The following ATP8A2 variants were observed in gnomAD, a reference collection of about 807,000 sequenced individuals.
The protein encoded by ATP8A2 is ATPase phospholipid transporting 8A2, also known as phospholipid-transporting ATPase IB.
ATP8A2 carries 100 observed loss-of-function variants against 165.6 expected under a neutral mutation model. The observed-to-expected ratio is 0.60, with a 90% confidence interval of 0.51 to 0.71. ATP8A2 has a LOEUF of 0.71. Among genes scored for constraint, ATP8A2 ranks in the 30% least tolerant of loss-of-function variants. The pLI is 0.00. For synonymous variants in ATP8A2, 543 were observed against 548.8 expected, an observed-to-expected ratio of 0.99 and a Z score of 0.15; for missense variants, 1,227 against 1,479.5, an observed-to-expected ratio of 0.83 and a Z score of 2.80.
chr13:25,531,284 TATATGATATATATGTTATATATG>T (rs2038058659), intron 4 of ATP8A2, among the ~76,000 whole-genome samples: 1 of 60,212 alleles, frequency 1.7e-5, no homozygotes, highest in African/African-American at 5.4e-5. Context: ...ATATATGTTA[TATATGATATATATGTTATATATG>T]ATATATATGT....
intron 1 of ATP8A2, 54 bp from the exon 2 acceptor site, chr13:25,468,923 C>T: frequency 1.3e-6 from 2 of 1,586,158 alleles, no homozygotes; most frequent in East Asian, 2.3e-5. Context: ...CAGCCTCCCG[C>T]CTGGCGGTTG....
intron 33 of ATP8A2, among the ~76,000 whole-genome samples, chr13:25,948,592 A>G (rs1402286948): frequency 6.6e-6 from 1 of 152,108 alleles, no homozygotes; most frequent in African/African-American, 2.4e-5. Flanking sequence ...CTAACCTCCA[A>G]TGTGATGGCT....
chr13:25,559,145 T>C, intron 14 of ATP8A2, 84 bp downstream of exon 14: 2 of 925,554 alleles, frequency 2.2e-6, no homozygotes, highest in South Asian at 3.0e-5. Context: ...GTCAAATATC[T>C]TGACTTTCTG....
At chr13:25,686,224 G>C (rs1483389151) in intron 24 of ATP8A2, among the ~76,000 whole-genome samples, 1 of 152,180 alleles carries the variant, frequency 6.6e-6, no homozygotes, top group East Asian at 1.9e-4. Flanking sequence ...TTGGACTACT[G>C]TTTGGGATGA....
intron 36 of ATP8A2, among the ~76,000 whole-genome samples, chr13:26,018,810 A>T (rs1476078992): frequency 6.6e-6 from 1 of 152,174 alleles, no homozygotes; most frequent in Non-Finnish European, 1.5e-5. Flanking sequence ...TCTGTGCCTC[A>T]GTTTTCTCAT....
intron 22 of ATP8A2, among the ~76,000 whole-genome samples, chr13:25,581,474 A>G (rs2039775860): frequency 6.6e-6 from 1 of 152,174 alleles, no homozygotes; most frequent in Admixed American, 6.5e-5. Context: ...AATGTGACAT[A>G]ATATGCTACT....
chr13:25,664,578 A>G (rs2042112586), intron 24 of ATP8A2, among the ~76,000 whole-genome samples: 1 of 152,200 alleles, frequency 6.6e-6, no homozygotes, highest in South Asian at 2.1e-4. Flanking sequence ...AGCAGTTGCC[A>G]GCGGGCAGTG....
At chr13:25,465,558 A>ATT (rs35250359) in intron 1 of ATP8A2, among the ~76,000 whole-genome samples, 4,079 of 140,416 alleles carry the variant, frequency 0.029, 138 homozygotes, top group African/African-American at 0.062. Flanking sequence ...TTTATCAGTG[A>ATT]TTTTTTTTTT....
intron 33 of ATP8A2, among the ~76,000 whole-genome samples, chr13:25,869,550 T>TG (rs376998521): frequency 6.6e-6 from 1 of 152,228 alleles, no homozygotes; most frequent in African/African-American, 2.4e-5. Context: ...TATCCATACT[T>TG]GCGTTATTTC....
chr13:25,763,455 CT>C (rs1366599338), intron 25 of ATP8A2, among the ~76,000 whole-genome samples: 2 of 152,170 alleles, frequency 1.3e-5, no homozygotes, highest in Non-Finnish European at 2.9e-5. Context: ...TGAGGGAGCA[CT>C]TACATCTACC....
At chr13:25,426,928 A>C (rs2034465564) in intron 1 of ATP8A2, among the ~76,000 whole-genome samples, 1 of 152,194 alleles carries the variant, frequency 6.6e-6, no homozygotes. Context: ...CCTGGGTGAC[A>C]GAACCAGACT....
At chr13:25,427,406 A>C (rs753906913) in intron 1 of ATP8A2, among the ~76,000 whole-genome samples, 1 of 152,098 alleles carries the variant, frequency 6.6e-6, no homozygotes, top group African/African-American at 2.4e-5. Flanking sequence ...AATTCATTAT[A>C]TATCACAATG....
intron 33 of ATP8A2, among the ~76,000 whole-genome samples, chr13:25,924,888 A>T (rs2765748): frequency 6.6e-6 from 1 of 152,094 alleles, no homozygotes; most frequent in Non-Finnish European, 1.5e-5. Flanking sequence ...CACTCTCTTG[A>T]CTGCTGCCAC....
chr13:26,012,051 G>T (rs761313712), intron 35 of ATP8A2, among the ~76,000 whole-genome samples: 1 of 120,828 alleles, frequency 8.3e-6, no homozygotes, highest in Non-Finnish European at 1.8e-5. Context: ...CTCCTTAGCC[G>T]TCTGTTTTAG....
intron 24 of ATP8A2, among the ~76,000 whole-genome samples, chr13:25,655,166 T>C (rs935169616): frequency 6.6e-6 from 1 of 152,172 alleles, no homozygotes; most frequent in Non-Finnish European, 1.5e-5. Context: ...TTTTTCTTTT[T>C]TTCTTTTCTT....
chr13:25,837,106 A>G, intron 28 of ATP8A2, 57 bp from the exon 29 acceptor site: 1 of 1,587,064 alleles, frequency 6.3e-7, no homozygotes, highest in Non-Finnish European at 8.6e-7. Flanking sequence ...AGAAGGGAAC[A>G]ATGAAGCCGT....
chr13:25,372,647 T>A lies in ATP8A2; in HGVS notation c.76+359T>A, dbSNP rs2032456319. Among the ~76,000 whole-genome samples, 1 of 152,060 alleles carries A rather than the reference T, an allele frequency of 6.6e-6. No homozygotes were observed. Among genetic ancestry groups the A allele is most frequent in the South Asian group, 2.1e-4 (1 of 4,830 alleles). On this transcript the variant is annotated intron_variant, in intron 1 of 36. Coordinates refer to ENST00000381655, the MANE Select transcript of ATP8A2 (RefSeq NM_016529.6). This position sits in a 1 kb window ranked among gnomAD's most constrained non-coding sequence, Gnocchi z 4.8. The stretch of plus-strand genomic sequence containing the variant: ...GCGACCTAGGCGGCAGTCACCGCGA[T>A]GGTGGGCACGGTTTGGCGGCGCAGA...
At chr13:25,460,141 C>T (rs142519608) in intron 1 of ATP8A2, among the ~76,000 whole-genome samples, 2,188 of 152,260 alleles carry the variant, frequency 0.014, 52 homozygotes, top group African/African-American at 0.05. Flanking sequence ...GCAGAGGTTG[C>T]AGTGAGCCGA....
At chr13:25,859,045 A>G (rs1952256967) in intron 30 of ATP8A2, among the ~76,000 whole-genome samples, 1 of 152,110 alleles carries the variant, frequency 6.6e-6, no homozygotes, top group Non-Finnish European at 1.5e-5. Context: ...TCTACTAAAA[A>G]TACAAAAATT....
Sources: gnomAD v4.1 joint callset for allele counts (sites outside exome capture counted in the v4.1 genomes callset) on GRCh38, gnomAD v4.1.1 for gene constraint, Gnocchi (gnomAD v3.1) non-coding constraint, MANE v1.5 for transcripts, NCBI Gene and HGNC (gene_info 2026-07-23, HGNC 2026-07-21) for gene names.